Variants in GPC6 observed in about 807,000 individuals in gnomAD.
GPC6 encodes the protein glypican-6.
GPC6 carries 14 observed loss-of-function variants against 55.2 expected under a neutral mutation model. The observed-to-expected ratio is 0.25, with a 90% CI of 0.17 to 0.40. The LOEUF (loss-of-function observed/expected upper bound fraction) is 0.40, where lower values mean the gene tolerates loss of function less well. GPC6 is among the 10% of genes least tolerant of loss of function. GPC6 has a pLI of 1.00. For missense variants in GPC6, 641 were observed against 708.5 expected (o/e 0.90, Z 1.08); for synonymous variants, 278 against 259.6 (o/e 1.07, Z -0.68).
chr13:93,670,834 T>A (rs923516451), intron 2 of GPC6, among the ~76,000 whole-genome samples: 4 of 152,208 alleles, frequency 2.6e-5, no homozygotes, highest in Non-Finnish European at 5.9e-5. Flanking sequence ...TTGCAGCAAT[T>A]GTTTCTGGAT....
chr13:93,293,323 A>C (rs1406237314), intron 1 of GPC6, among the ~76,000 whole-genome samples: 2 of 152,162 alleles, frequency 1.3e-5, no homozygotes, highest in Non-Finnish European at 2.9e-5. Flanking sequence ...ACCTTTTCTG[A>C]ATTCAATAAA....
intron 2 of GPC6, among the ~76,000 whole-genome samples, chr13:93,721,158 TG>T (rs1222315029): frequency 1.3e-5 from 2 of 151,980 alleles, no homozygotes; most frequent in Non-Finnish European, 2.9e-5. Context: ...ATATTGACAG[TG>T]GGTTGTTAAA....
intron 4 of GPC6, among the ~76,000 whole-genome samples, chr13:94,034,247 A>AGGAAGGAAGGAAGGAAG (rs141372123): frequency 4.2e-4 from 62 of 147,040 alleles, no homozygotes; most frequent in Non-Finnish European, 7.4e-4. Flanking sequence ...GAAGGAAGGA[A>AGGAAGGAAGGAAGGAAG]GGAAAGAAAG....
chr13:93,244,515 G>A (rs1377652532), intron 1 of GPC6, among the ~76,000 whole-genome samples: 2 of 152,222 alleles, frequency 1.3e-5, no homozygotes, highest in East Asian at 1.9e-4. Context: ...TCACGTGGGC[G>A]TCTGTGAGTT....
At chr13:93,540,291 A>G (rs1216400908) in intron 1 of GPC6, among the ~76,000 whole-genome samples, 3 of 152,190 alleles carry the variant, frequency 2.0e-5, no homozygotes, top group African/African-American at 7.2e-5. Context: ...TTTTTATCAT[A>G]CAGAAAAAGT....
intron 2 of GPC6, among the ~76,000 whole-genome samples, chr13:93,816,980 TACCTA>T (rs1205441490): frequency 2.0e-5 from 3 of 152,206 alleles, no homozygotes; most frequent in Non-Finnish European, 4.4e-5. Context: ...GAAGCCTCTG[TACCTA>T]ATTGTGCCTA....
chr13:93,996,626 C>T (rs1207311017), intron 3 of GPC6, among the ~76,000 whole-genome samples: 1 of 152,026 alleles, frequency 6.6e-6, no homozygotes, highest in Non-Finnish European at 1.5e-5. Flanking sequence ...TAAAACCACT[C>T]CAGGTCACAG....
intron 7 of GPC6, among the ~76,000 whole-genome samples, chr13:94,396,600 G>A (rs974701002): frequency 2.0e-5 from 3 of 152,222 alleles, no homozygotes; most frequent in African/African-American, 7.2e-5. Flanking sequence ...AATATCTTGA[G>A]GAGAAAGTGA....
chr13:93,256,036 A>G (rs1469411194), intron 1 of GPC6, among the ~76,000 whole-genome samples: 1 of 151,962 alleles, frequency 6.6e-6, no homozygotes, highest in Admixed American at 6.6e-5. Context: ...ATTGCTAGGG[A>G]GGCTGAGGTA....
intron 4 of GPC6, among the ~76,000 whole-genome samples, chr13:94,060,471 T>A (rs2138767002): frequency 6.6e-6 from 1 of 152,288 alleles, no homozygotes; most frequent in South Asian, 2.1e-4. Flanking sequence ...TAGTTTCAAA[T>A]ACTCTCTTAA....
At chr13:94,256,289 G>T (rs1891502373) in intron 4 of GPC6, among the ~76,000 whole-genome samples, 1 of 152,174 alleles carries the variant, frequency 6.6e-6, no homozygotes, top group Non-Finnish European at 1.5e-5. Context: ...GAAGATTTGT[G>T]TCTCAGTGTA....
rs76695512 is a variant in GPC6 at position 93,236,605 on chromosome 13, G to A, written c.160+8989G>A. ...GAAATCTATCGTGAACTGTGCATGC[G>A]AGGGATGTAGGTTGCGTGCTCATTA... On this transcript the variant is annotated intron_variant, in intron 1 of 8. Transcript: ENST00000377047. Among the ~76,000 whole-genome samples the A allele has an allele frequency of 1.6e-4, 25 of 152,258 alleles. No homozygotes were observed. In the East Asian group the frequency reaches 4.4e-3, roughly 27 times the overall value.
chr13:93,651,408 A>G (rs148921038), intron 2 of GPC6, among the ~76,000 whole-genome samples: 1 of 152,164 alleles, frequency 6.6e-6, no homozygotes, highest in East Asian at 1.9e-4. Flanking sequence ...GCTGAGCCTC[A>G]GGAAGGTCAG....
chr13:93,340,258 T>C (rs902005071), intron 1 of GPC6, among the ~76,000 whole-genome samples: 8 of 151,976 alleles, frequency 5.3e-5, no homozygotes, highest in African/African-American at 1.9e-4. Flanking sequence ...TTGGTCTGGA[T>C]CTCCTGACCT....
At chr13:93,503,021 T>A (rs902354277) in intron 1 of GPC6, among the ~76,000 whole-genome samples, 9 of 152,166 alleles carry the variant, frequency 5.9e-5, no homozygotes, top group African/African-American at 9.6e-5. Context: ...GTAGATAAGG[T>A]TGCACTTTGG....
chr13:93,744,037 A>G (rs986968031), intron 2 of GPC6, among the ~76,000 whole-genome samples: 1 of 152,224 alleles, frequency 6.6e-6, no homozygotes, highest in Non-Finnish European at 1.5e-5. Flanking sequence ...CAGCAAAAAT[A>G]CTTTAGAGTA....
intron 4 of GPC6, among the ~76,000 whole-genome samples, chr13:94,136,685 G>A (rs1566451631): frequency 6.6e-6 from 1 of 152,292 alleles, no homozygotes; most frequent in South Asian, 2.1e-4. Context: ...ACTCCAGCCT[G>A]GGCGACAGAG....
At chr13:93,519,394 C>T (rs964253725) in intron 1 of GPC6, among the ~76,000 whole-genome samples, 6 of 152,002 alleles carry the variant, frequency 3.9e-5, no homozygotes, top group Non-Finnish European at 8.8e-5. Context: ...AATTTCCACA[C>T]ATTAGCAATG....
chr13:93,404,212 T>C (rs1876201198), intron 1 of GPC6, among the ~76,000 whole-genome samples: 1 of 152,124 alleles, frequency 6.6e-6, no homozygotes, highest in South Asian at 2.1e-4. Flanking sequence ...ACAAACCAAC[T>C]ATAACGAAGA....
Sources: gnomAD v4.1 joint callset for allele counts (sites outside exome capture counted in the v4.1 genomes callset) on GRCh38, gnomAD v4.1.1 for gene constraint, MANE v1.5 for transcripts, NCBI Gene and HGNC (gene_info 2026-07-23, HGNC 2026-07-21) for gene names.